The following FGF14 variants were observed in gnomAD, a reference collection of about 807,000 sequenced individuals.
The protein encoded by FGF14 is fibroblast growth factor homologous factor 4.
Under a neutral mutation model 25.5 loss-of-function variants are expected in FGF14, and 5 were observed. The observed-to-expected ratio is 0.20, with a 90% confidence interval of 0.10 to 0.41. The LOEUF (loss-of-function observed/expected upper bound fraction) is 0.41. Ranked by LOEUF, FGF14 falls within the 10% of genes least tolerant of loss-of-function variation. The pLI is 1.00. For synonymous variants in FGF14, 138 were observed against 118.3 expected (o/e 1.17, Z -1.08); for missense variants, 222 against 320.1 (o/e 0.69, Z 2.34).
chr13:101,913,874 TTTC>T (rs1253211462), intron 1 of FGF14, among the ~76,000 whole-genome samples: 3 of 152,202 alleles, frequency 2.0e-5, no homozygotes, highest in African/African-American at 7.2e-5. Context: ...AATTTTATTA[TTTC>T]TTATTAATTT....
chr13:102,137,580 C>T (rs955225182), intron 1 of FGF14, among the ~76,000 whole-genome samples: 10 of 152,118 alleles, frequency 6.6e-5, no homozygotes, highest in African/African-American at 2.4e-4. Flanking sequence ...GGACTGTCAA[C>T]ACCTTGAATT....
At chr13:102,327,976 CAA>C (rs4000851) in intron 1 of FGF14, among the ~76,000 whole-genome samples, 81,216 of 142,198 alleles carry the variant, frequency 0.57, 22,988 homozygotes, top group African/African-American at 0.66. Flanking sequence ...CTGGAAGGAT[CAA>C]AAAAAAAAAA....
chr13:101,974,145 A>G (rs2037782912), intron 1 of FGF14, among the ~76,000 whole-genome samples: 1 of 152,226 alleles, frequency 6.6e-6, no homozygotes, highest in Non-Finnish European at 1.5e-5. Context: ...ATATCTAGAA[A>G]TAGGGAATAC....
At chr13:101,802,060 TA>T in intron 3 of FGF14, 1 of 348,170 alleles carries the variant, frequency 2.9e-6, no homozygotes, top group South Asian at 2.7e-5. Context: ...ATAAATCTGA[TA>T]AAATGGCAAA....
intron 1 of FGF14, among the ~76,000 whole-genome samples, chr13:101,907,304 A>G (rs539036469): frequency 2.0e-5 from 3 of 152,112 alleles, no homozygotes; most frequent in African/African-American, 4.8e-5. Flanking sequence ...ATCAAATCAC[A>G]TGGAATAGTT....
In FGF14 at chr13:101,795,886, T is replaced by C. The variant is rs2040491931; in HGVS notation, c.409-69076A>G. ...TCATTAGACAGTATTCTATTAAGCA[T>C]AGAAATAGCTCTGTAATCTTGTGTG... On this transcript the variant is annotated intron_variant, in intron 3 of 4. Coordinates refer to ENST00000376143, the MANE Select transcript of FGF14 (RefSeq NM_004115.4). Among the ~76,000 whole-genome samples, 3 of 152,146 alleles carry C rather than the reference T, an allele frequency of 2.0e-5. No individual in the cohort carries two copies. The South Asian group carries it at 6.2e-4, about 31-fold the overall frequency.
chr13:102,189,022 G>GA (rs1566797107), intron 1 of FGF14, among the ~76,000 whole-genome samples: 12 of 70,624 alleles, frequency 1.7e-4, no homozygotes, highest in East Asian at 3.3e-4. Context: ...AAGAATGAAA[G>GA]AAGAAAAGAA....
chr13:101,904,386 G>A (rs945388107), intron 1 of FGF14, among the ~76,000 whole-genome samples: 4 of 152,058 alleles, frequency 2.6e-5, no homozygotes, highest in African/African-American at 7.2e-5. Context: ...AAAATCAACA[G>A]GCCTATCTCT....
In FGF14 at chr13:102,349,886, A is replaced by C. The variant is rs575678523; in HGVS notation, c.208+51585T>G. Among the ~76,000 whole-genome samples the C allele has an allele frequency of 1.4e-4, 22 of 152,334 alleles. No homozygotes were observed. In the South Asian group the frequency reaches 4.6e-3, roughly 32 times the overall value. On this transcript the variant is annotated intron_variant, in intron 1 of 4. Transcript: ENST00000376131. ...TTTCACTAATCAGTAGTCCCATGGA[A>C]ATGATGAACCTCATTTTTCTCCTCA...
At chr13:102,261,128 A>G (rs1331512136) in intron 1 of FGF14, among the ~76,000 whole-genome samples, 3 of 152,240 alleles carry the variant, frequency 2.0e-5, no homozygotes, top group African/African-American at 7.2e-5. Flanking sequence ...ATCAGGCCCC[A>G]GCAAGGGCAA....
intron 1 of FGF14, among the ~76,000 whole-genome samples, chr13:101,976,715 G>T (rs753075761): frequency 1.3e-5 from 2 of 152,092 alleles, no homozygotes; most frequent in Admixed American, 1.3e-4. Flanking sequence ...TTCAGTACTT[G>T]GTTAAATCAT....
intron 1 of FGF14, among the ~76,000 whole-genome samples, chr13:101,939,931 T>C (rs2035336053): frequency 6.6e-6 from 1 of 152,162 alleles, no homozygotes; most frequent in Admixed American, 6.5e-5. Flanking sequence ...GGAAAAAAAG[T>C]AGTTGGAGAA....
rs1477984813 is a variant in FGF14, at chr13:101,718,749, T to TAGAC, written c.*4078_*4081dup. ...CAAATGCAAACACAATCTCTGCCAG[T>TAGAC]AGACATTGGAATTAGACTTAGTGAA... On this transcript the variant is annotated 3_prime_UTR_variant, in exon 5 of 5. Transcript: ENST00000376143. 6.6e-6 allele frequency: 1 copy of TAGAC among 150,464 alleles called. No individual in the cohort carries two copies. The highest frequency in any genetic ancestry group is 1.5e-5 in the Non-Finnish European group (1 of 67,678). 9.3% of individuals were successfully genotyped at this position (150,464 alleles called of 1,614,324 possible).
intron 1 of FGF14, among the ~76,000 whole-genome samples, chr13:102,336,470 A>C (rs1052515538): frequency 1.3e-5 from 2 of 152,186 alleles, no homozygotes; most frequent in African/African-American, 4.8e-5. Flanking sequence ...TTGATTCATA[A>C]GGTTTAGGGA....
chr13:102,117,751 T>C (rs2045539927), intron 1 of FGF14, among the ~76,000 whole-genome samples: 1 of 152,124 alleles, frequency 6.6e-6, no homozygotes, highest in African/African-American at 2.4e-5. Flanking sequence ...TGTAGAATGA[T>C]ATATATGGTG....
At chr13:101,998,780 C>T (rs1004364551) in intron 1 of FGF14, among the ~76,000 whole-genome samples, 16 of 152,252 alleles carry the variant, frequency 1.1e-4, no homozygotes, top group Admixed American at 5.9e-4. Flanking sequence ...CATGCCATCT[C>T]GGCTGTGTGG....
chr13:101,992,851 T>C (rs1383392906), intron 1 of FGF14, among the ~76,000 whole-genome samples: 3 of 151,908 alleles, frequency 2.0e-5, no homozygotes, highest in Non-Finnish European at 4.4e-5. Flanking sequence ...TAAAAAGGTA[T>C]ACCTTACACA....
At chr13:101,801,555 C>A (rs2040871650) in intron 3 of FGF14, among the ~76,000 whole-genome samples, 1 of 152,080 alleles carries the variant, frequency 6.6e-6, no homozygotes, top group Non-Finnish European at 1.5e-5. Context: ...TTCTTGCAGA[C>A]CCATGTGCTG....
intron 1 of FGF14, among the ~76,000 whole-genome samples, chr13:102,153,018 G>A (rs1378830584): frequency 1.3e-5 from 2 of 152,214 alleles, no homozygotes; most frequent in South Asian, 2.1e-4. Context: ...CTTGGGTGGA[G>A]CTGCTGGGAG....
Sources: allele counts gnomAD v4.1 joint callset (sites outside exome capture counted in the v4.1 genomes callset), GRCh38; gene constraint gnomAD v4.1.1; transcripts MANE v1.5; gene names NCBI Gene and HGNC (gene_info 2026-07-23, HGNC 2026-07-21).